The following NBEA variants were observed in gnomAD, a reference collection of about 807,000 sequenced individuals.
NBEA encodes lysosomal-trafficking regulator 2.
NBEA carries 44 observed loss-of-function variants against 343.4 expected under a neutral mutation model. The observed-to-expected ratio is 0.13, with a 90% CI of 0.10 to 0.16. The LOEUF (loss-of-function observed/expected upper bound fraction) is 0.16. NBEA is among the 10% of genes least tolerant of loss of function. The pLI is 1.00. For missense variants in NBEA, 2,555 were observed against 3,631.3 expected (o/e 0.70, Z 7.62); for synonymous variants, 1,175 against 1,238.7 (o/e 0.95, Z 1.08).
chr13:35,377,978 C>A (rs979898303), intron 38 of NBEA, among the ~76,000 whole-genome samples: 7 of 152,088 alleles, frequency 4.6e-5, no homozygotes, highest in Non-Finnish European at 8.8e-5. Flanking sequence ...TACTTTAAGA[C>A]AGCAGCTCAA....
At chr13:35,456,957 TAAC>T (rs1460293657) in intron 40 of NBEA, among the ~76,000 whole-genome samples, 79 of 151,334 alleles carry the variant, frequency 5.2e-4, no homozygotes, top group Non-Finnish European at 4.9e-4. Context: ...CTGTTAGCAA[TAAC>T]AACATACGTA....
intron 47 of NBEA, among the ~76,000 whole-genome samples, chr13:35,593,793 T>C (rs1199976977): frequency 6.6e-6 from 1 of 152,148 alleles, no homozygotes; most frequent in Non-Finnish European, 1.5e-5. Context: ...TTGACCTTAA[T>C]GTGTCATATT....
intron 47 of NBEA, among the ~76,000 whole-genome samples, chr13:35,605,234 T>C (rs1028018895): frequency 6.6e-6 from 1 of 152,216 alleles, no homozygotes; most frequent in Non-Finnish European, 1.5e-5. Flanking sequence ...AAATGAACAT[T>C]TATATTTTTC....
intron 4 of NBEA, among the ~76,000 whole-genome samples, chr13:35,047,654 A>G (rs895877859): frequency 6.6e-6 from 1 of 151,800 alleles, no homozygotes; most frequent in African/African-American, 2.4e-5. Flanking sequence ...GTAGTAGAGG[A>G]GGATAAAATC....
chr13:35,175,628 T>A lies in NBEA; in HGVS notation c.4555-1368T>A, dbSNP rs74048932. 2.7e-3 allele frequency among the ~76,000 whole-genome samples: 406 copies of A among 152,308 alleles called. 3 individuals are homozygous for A. Among genetic ancestry groups the A allele is most frequent in the African/African-American group, 9.3e-3 (386 of 41,578 alleles). The stretch of plus-strand genomic sequence containing the variant: ...TAATCAGTATTTATCTGGCAAGAAC[T>A]TTGGCAGTGAAAAATGGGTAAGTAG... On this transcript the variant is annotated intron_variant, in intron 27 of 58. Coordinates refer to ENST00000379939, the MANE Select transcript of NBEA (RefSeq NM_001385012.1).
chr13:35,643,077 A>G (rs1424166884), intron 49 of NBEA, among the ~76,000 whole-genome samples: 2 of 143,732 alleles, frequency 1.4e-5, no homozygotes, highest in East Asian at 3.9e-4. Context: ...TTCATCTCAC[A>G]GTTCCAGTAG....
chr13:35,636,658 C>T (rs558380938), intron 49 of NBEA, among the ~76,000 whole-genome samples: 1 of 152,196 alleles, frequency 6.6e-6, no homozygotes, highest in Non-Finnish European at 1.5e-5. Flanking sequence ...AATCAGCCAG[C>T]ATAGAGTTTA....
chr13:34,957,171 T>C (rs919934772), intron 1 of NBEA, among the ~76,000 whole-genome samples: 11 of 152,324 alleles, frequency 7.2e-5, no homozygotes, highest in Admixed American at 5.2e-4. Flanking sequence ...GTTCTCATAG[T>C]AGAGCTACTC....
In NBEA at chr13:35,655,629, G is replaced by T. The variant is rs1256365739; in HGVS notation, c.8242G>T (p.Ala2748Ser). ...CCATTGGGATGTGGTCACTTGCTTG[G>T]CCAGGTCCGAGTCATACATTGGTGG... The part of the protein sequence containing the change: ...FGHWDVVTCL[A>S]RSESYIGGDC... Residue 2748 changes from alanine (A) to serine (S), a missense_variant, in exon 55 of 59, where the codon GCC becomes TCC. Physicochemically the swap from Ala to Ser is moderately conservative, Grantham distance 99. Transcript: ENST00000379939. The T allele has an allele frequency of 1.2e-6, 2 of 1,613,730 alleles. No homozygotes were observed. The highest frequency in any genetic ancestry group is 3.3e-5 in the Admixed American group (2 of 59,982).
chr13:35,019,040 A>G (rs1467454080), intron 1 of NBEA, among the ~76,000 whole-genome samples: 1 of 150,134 alleles, frequency 6.7e-6, no homozygotes, highest in Non-Finnish European at 1.5e-5. Context: ...ATGGGGAATT[A>G]TGTCATTTGA....
intron 18 of NBEA, among the ~76,000 whole-genome samples, chr13:35,143,880 C>T (rs994025052): frequency 2.7e-5 from 4 of 150,136 alleles, no homozygotes; most frequent in African/African-American, 9.9e-5. Context: ...AAAGTGAGAC[C>T]CTGTCCCCTT....
intron 35 of NBEA, among the ~76,000 whole-genome samples, chr13:35,300,123 G>T (rs903699403): frequency 1.3e-5 from 2 of 152,048 alleles, no homozygotes; most frequent in African/African-American, 4.8e-5. Flanking sequence ...ATTTTTTGAA[G>T]CTCTTAGAAT....
intron 48 of NBEA, among the ~76,000 whole-genome samples, chr13:35,621,603 C>T (rs529296578): frequency 6.6e-6 from 1 of 152,228 alleles, no homozygotes; most frequent in Non-Finnish European, 1.5e-5. Flanking sequence ...TTTTTGTTCA[C>T]TGCTATAATC....
chr13:35,374,252 C>T (rs766312045), intron 38 of NBEA, among the ~76,000 whole-genome samples: 9 of 152,212 alleles, frequency 5.9e-5, no homozygotes, highest in Non-Finnish European at 8.8e-5. Context: ...AGAAACAAGG[C>T]GAACAGCTGG....
At chr13:35,251,918 C>G (rs994610702) in intron 34 of NBEA, 1 of 153,068 alleles carries the variant, frequency 6.5e-6, no homozygotes, top group Non-Finnish European at 1.5e-5. Flanking sequence ...GCTCCCACCC[C>G]AGAAATCACT....
intron 48 of NBEA, among the ~76,000 whole-genome samples, chr13:35,611,716 ACC>A (rs1272531624): frequency 6.6e-6 from 1 of 152,158 alleles, no homozygotes; most frequent in Admixed American, 6.5e-5. Context: ...TTTGAGATTC[ACC>A]CATGTTGTAG....
intron 30 of NBEA, among the ~76,000 whole-genome samples, chr13:35,189,721 C>G: frequency 6.6e-6 from 1 of 151,812 alleles, no homozygotes; most frequent in East Asian, 1.9e-4. Flanking sequence ...AAGTAAGAAC[C>G]TCCAAAATAC....
chr13:34,978,789 T>C (rs950155310), intron 1 of NBEA, among the ~76,000 whole-genome samples: 1 of 152,232 alleles, frequency 6.6e-6, no homozygotes, highest in East Asian at 1.9e-4. Flanking sequence ...GTTGTGCTTA[T>C]CAGCATTTGT....
chr13:34,968,797 T>C (rs1485671639), intron 1 of NBEA, among the ~76,000 whole-genome samples: 1 of 152,110 alleles, frequency 6.6e-6, no homozygotes, highest in African/African-American at 2.4e-5. Context: ...CACTAATAGA[T>C]TTTTTTAAGG....
Sources: allele counts gnomAD v4.1 joint callset (sites outside exome capture counted in the v4.1 genomes callset), GRCh38; gene constraint gnomAD v4.1.1; transcripts MANE v1.5; gene names NCBI Gene and HGNC (gene_info 2026-07-23, HGNC 2026-07-21).